ASB15: variants seen among roughly 807,000 people sequenced by gnomAD.
ASB15 encodes ankyrin repeat and SOCS box containing 15.
A neutral mutation model predicts 58.0 loss-of-function variants in ASB15; 54 were observed. That is an observed-to-expected ratio of 0.93 (90% CI 0.75 to 1.17). ASB15 has a LOEUF of 1.17. Among genes scored for constraint, ASB15 ranks in the 50% most tolerant of loss-of-function variants. The probability of loss-of-function intolerance (pLI) is 0.00; values close to 1 mark genes in which losing one functional copy is unlikely to be tolerated. For missense variants in ASB15, 680 were observed against 707.4 expected, an observed-to-expected ratio of 0.96 and a Z score of 0.44; for synonymous variants, 249 against 262.4, an observed-to-expected ratio of 0.95 and a Z score of 0.50.
At chr7:123,619,154 T>C (rs1801044041) in intron 7 of ASB15, among the ~76,000 whole-genome samples, 1 of 122,492 alleles carries the variant, frequency 8.2e-6, no homozygotes, top group African/African-American at 3.2e-5. Flanking sequence ...TACTCCAGCC[T>C]GGACGACAGA....
rs1373999546 is a variant in ASB15 at position 123,628,857 on chromosome 7, C to T, written c.870-7C>T. On this transcript the variant is annotated splice_polypyrimidine_tract_variant and splice_region_variant and intron_variant, in intron 9 of 11. Coordinates refer to ENST00000451215, the MANE Select transcript of ASB15 (RefSeq NM_001290258.2). Reference sequence around the variant, plus strand: ...TGGCAAGTAGATATTTGACTTTTTTCTTTTAGTGCACTGAAATATCTTATC... The same window carrying T: ...TGGCAAGTAGATATTTGACTTTTTTTTTTTAGTGCACTGAAATATCTTATC... The T allele has an allele frequency of 2.7e-6, 4 of 1,490,694 alleles. No individual in the cohort carries two copies. Among genetic ancestry groups the T allele is most frequent in the African/African-American group, 1.4e-5 (1 of 70,948 alleles). The allele number at this position is 1,490,694 out of a possible 1,614,324, so 92.3% of individuals were successfully genotyped here.
At chr7:123,628,246 G>A (rs1280396945) in intron 9 of ASB15, among the ~76,000 whole-genome samples, 2 of 152,214 alleles carry the variant, frequency 1.3e-5, no homozygotes, top group Admixed American at 6.5e-5. Flanking sequence ...CAGACAGAGT[G>A]TTCATGGTCA....
rs61741418 is a variant in ASB15, at chr7:123,616,383, G to A, written c.180G>A (p.Gln60=). Reference sequence around the variant, plus strand: ...ATTTAGGTCACATTCCTGAGCTCCAGGAGTATGTAAAATATAAATATGCAA... The same window carrying A: ...ATTTAGGTCACATTCCTGAGCTCCAAGAGTATGTAAAATATAAATATGCAA... ...AIKQGHIPEL[Q]EYVKYKYAMD... Residue 60 remains glutamine, a synonymous_variant, in exon 6 of 12, where the codon CAG becomes CAA. Coordinates refer to ENST00000451215, the MANE Select transcript of ASB15 (RefSeq NM_001290258.2). 5.9e-3 allele frequency: 9,483 copies of A among 1,609,486 alleles called. 34 individuals carry two copies. Among genetic ancestry groups the A allele is most frequent in the Non-Finnish European group, 7.3e-3 (8,624 of 1,176,352 alleles).
intron 1 of ASB15, among the ~76,000 whole-genome samples, chr7:123,588,485 C>T (rs1411925656): frequency 6.6e-6 from 1 of 151,108 alleles, no homozygotes; most frequent in African/African-American, 2.4e-5. Flanking sequence ...TCTTGTTTGT[C>T]TTATCTCTAT....
chr7:123,627,854 C>A (rs1183248758), intron 9 of ASB15, among the ~76,000 whole-genome samples: 1 of 152,088 alleles, frequency 6.6e-6, no homozygotes, highest in Non-Finnish European at 1.5e-5. Context: ...AACTACCCAC[C>A]ATGAGAAGAT....
rs1424359309 is a variant in ASB15, at chr7:123,590,251, T to C, written c.-442-13781T>C. Among the ~76,000 whole-genome samples, 4 of 152,180 alleles carry C rather than the reference T, an allele frequency of 2.6e-5. No individual in the cohort carries two copies. The East Asian group carries it at 7.7e-4, about 29-fold the overall frequency. On this transcript the variant is annotated intron_variant, in intron 1 of 13. Coordinates refer to the ASB15 transcript ENST00000451558. ...TTGTCAGATGGATAGGTTGCAAAAATTTTATCCCATTCTGTAGGTTGCCCA... is the reference window on the plus strand; with the variant it reads ...TTGTCAGATGGATAGGTTGCAAAAACTTTATCCCATTCTGTAGGTTGCCCA...
At chr7:123,620,531 TATATATATATATATATATATATA>T (rs1159203381) in intron 7 of ASB15, among the ~76,000 whole-genome samples, 757 of 20,812 alleles carry the variant, frequency 0.036, 7 homozygotes, top group Non-Finnish European at 0.056. Flanking sequence ...TATATATATA[TATATATATATATATATATATATA>T]TTTTTTTTTT....
intron 11 of ASB15, among the ~76,000 whole-genome samples, chr7:123,632,462 C>T (rs902349047): frequency 2.6e-5 from 4 of 151,762 alleles, no homozygotes; most frequent in African/African-American, 9.7e-5. Flanking sequence ...TTGTTTATTT[C>T]AATAGGTTTT....
intron 3 of ASB15, among the ~76,000 whole-genome samples, chr7:123,611,443 C>T (rs1423874111): frequency 6.6e-6 from 1 of 150,644 alleles, no homozygotes; most frequent in Admixed American, 6.6e-5. Flanking sequence ...TACAGGCGCC[C>T]GCCACCGTAC....
chr7:123,592,983 G>A (rs1240025715), intron 1 of ASB15, among the ~76,000 whole-genome samples: 1 of 152,046 alleles, frequency 6.6e-6, no homozygotes, highest in Non-Finnish European at 1.5e-5. Flanking sequence ...ATTTAGGATA[G>A]TTAGTTCTTC....
chr7:123,582,941 C>A (rs1434981007), intron 1 of ASB15, among the ~76,000 whole-genome samples: 1 of 151,958 alleles, frequency 6.6e-6, no homozygotes, highest in Non-Finnish European at 1.5e-5. Flanking sequence ...ATGAAAGAAA[C>A]TAGTGTAAAT....
At chr7:123,600,867 A>G (rs1469639759), upstream of ASB15, among the ~76,000 whole-genome samples, 1 of 152,238 alleles carries the variant, frequency 6.6e-6, no homozygotes, top group East Asian at 1.9e-4. Flanking sequence ...AGATGAGACG[A>G]AAAACAAAAG....
chr7:123,619,575 G>C (rs535227397), intron 7 of ASB15, among the ~76,000 whole-genome samples: 2 of 152,214 alleles, frequency 1.3e-5, no homozygotes, highest in Non-Finnish European at 2.9e-5. Context: ...CCAGGCTGGA[G>C]TGCAGTGGCG....
chr7:123,601,083 G>C (rs1184152300), upstream of ASB15, among the ~76,000 whole-genome samples: 1 of 152,196 alleles, frequency 6.6e-6, no homozygotes, highest in Non-Finnish European at 1.5e-5. Flanking sequence ...ATAGAGGCCA[G>C]ATGGCTTTGT....
chr7:123,626,297 A>C (rs543739791), intron 8 of ASB15, among the ~76,000 whole-genome samples: 21 of 152,298 alleles, frequency 1.4e-4, no homozygotes, highest in African/African-American at 4.8e-4. Context: ...TAAGGCCTAG[A>C]GTTCAAGACC....
chr7:123,602,641 G>A (rs62474490), intron 1 of ASB15, among the ~76,000 whole-genome samples: 2,194 of 152,204 alleles, frequency 0.014, 26 homozygotes, highest in Non-Finnish European at 0.024. Flanking sequence ...TTACACTTCA[G>A]TTATTTTATG....
chr7:123,606,073 G>A (rs963649658), intron 2 of ASB15, among the ~76,000 whole-genome samples: 14 of 152,020 alleles, frequency 9.2e-5, no homozygotes, highest in African/African-American at 2.9e-4. Context: ...TAGTCAAAAC[G>A]TTTTTTACTC....
chr7:123,573,434 T>C (rs889636920), intron 1 of ASB15, among the ~76,000 whole-genome samples: 24 of 152,044 alleles, frequency 1.6e-4, no homozygotes, highest in African/African-American at 5.6e-4. Context: ...AAGTCTTATT[T>C]GTTTATGTAT....
chr7:123,619,461 C>T (rs761986924), intron 7 of ASB15, among the ~76,000 whole-genome samples: 6 of 152,186 alleles, frequency 3.9e-5, no homozygotes, highest in African/African-American at 1.2e-4. Context: ...TGTTCTGCCC[C>T]GATACAGTTT....
Sources: gnomAD v4.1 joint callset for allele counts (sites outside exome capture counted in the v4.1 genomes callset) on GRCh38, gnomAD v4.1.1 for gene constraint, MANE v1.5 for transcripts, NCBI Gene and HGNC (gene_info 2026-07-23, HGNC 2026-07-21) for gene names.